CCDC91: variants seen among roughly 807,000 people sequenced by gnomAD.
CCDC91 encodes coiled-coil domain containing 91.
CCDC91 carries 48 observed loss-of-function variants against 63.2 expected under a neutral mutation model. The observed-to-expected ratio is 0.76, with a 90% CI of 0.60 to 0.97. The LOEUF is 0.97. CCDC91 is among the 50% of genes least tolerant of loss of function. The probability of loss-of-function intolerance (pLI) is 0.00; values close to 1 mark genes in which losing one functional copy is unlikely to be tolerated. For missense variants in CCDC91, 500 were observed against 494.6 expected, an observed-to-expected ratio of 1.01 and a Z score of -0.10; for synonymous variants, 167 against 165.8, an observed-to-expected ratio of 1.01 and a Z score of -0.06.
chr12:28,392,454 C>T (rs1344102735), intron 8 of CCDC91, among the ~76,000 whole-genome samples: 1 of 152,130 alleles, frequency 6.6e-6, no homozygotes, highest in Non-Finnish European at 1.5e-5. Context: ...GGAACATTAC[C>T]TGATACAATT....
intron 12 of CCDC91, among the ~76,000 whole-genome samples, chr12:28,540,881 C>G (rs1396178538): frequency 6.6e-6 from 1 of 152,062 alleles, no homozygotes; most frequent in African/African-American, 2.4e-5. Flanking sequence ...ATTAGGCAGC[C>G]TTATGGAGAG....
At chr12:28,397,267 C>T (rs1946349585) in intron 8 of CCDC91, among the ~76,000 whole-genome samples, 1 of 152,006 alleles carries the variant, frequency 6.6e-6, no homozygotes, top group East Asian at 1.9e-4. Context: ...GTAGTTTCAA[C>T]AGAGTGGTGG....
chr12:28,426,189 C>T (rs1179141760), intron 8 of CCDC91, among the ~76,000 whole-genome samples: 2 of 152,158 alleles, frequency 1.3e-5, no homozygotes, highest in South Asian at 2.1e-4. Context: ...TTCTGAACCT[C>T]TTCTATGAGT....
chr12:28,513,824 G>A (rs1939639888), intron 12 of CCDC91, among the ~76,000 whole-genome samples: 1 of 151,728 alleles, frequency 6.6e-6, no homozygotes, highest in East Asian at 1.9e-4. Flanking sequence ...AGTATTCCAG[G>A]GTGTATATGT....
rs1299998721 is a variant in CCDC91, at chr12:28,529,321, A to G, written c.1216-19742A>G. ...CACACAGGTTTGACTTGAGTATACC[A>G]GACAGATGTAGCCTAGAGTTTGAGC... On this transcript the variant is annotated intron_variant, in intron 12 of 12. Transcript: ENST00000536442. Among the ~76,000 whole-genome samples, 4 of 152,232 alleles carry G rather than the reference A, an allele frequency of 2.6e-5. No individual in the cohort carries two copies. In the East Asian group the frequency reaches 7.7e-4, roughly 29 times the overall value.
Position 28,497,284 on chromosome 12 carries a change from A to C in CCDC91, c.1215+13119A>C, listed in dbSNP as rs555920345. Among the ~76,000 whole-genome samples, 3 of 151,432 alleles carry C rather than the reference A, an allele frequency of 2.0e-5. No homozygotes were observed. The Admixed American group carries it at 2.0e-4, about 10-fold the overall frequency. ...TATCCATGGCCTCTGCTATTTTTCA[A>C]CTCTGATTGTAAGTATAAAACTGAA... On this transcript the variant is annotated intron_variant, in intron 12 of 12. Transcript: ENST00000536442.
intron 3 of CCDC91, among the ~76,000 whole-genome samples, chr12:28,284,272 G>A (rs1183534721): frequency 1.3e-5 from 2 of 152,082 alleles, no homozygotes; most frequent in Non-Finnish European, 2.9e-5. Flanking sequence ...GATGTCTAAT[G>A]CAAATTAGGC....
intron 1 of CCDC91, among the ~76,000 whole-genome samples, chr12:28,220,348 G>A (rs570771485): frequency 9.0e-4 from 136 of 151,716 alleles, no homozygotes; most frequent in South Asian, 6.5e-3. Context: ...ATATTTTTCC[G>A]TTTTATGTAC....
rs751756130 is a variant in CCDC91 at position 28,333,124 on chromosome 12, G to A, written c.576+25375G>A. On this transcript the variant is annotated intron_variant, in intron 6 of 12. Transcript: ENST00000536442. ...TTTTTCCCACTTTGGGGTCAGGCAT[G>A]GTGGCTCACACCTGTAATTGCAGCA... 3.9e-5 allele frequency among the ~76,000 whole-genome samples: 6 copies of A among 151,974 alleles called. No individual in the cohort carries two copies. In the South Asian group the frequency reaches 6.2e-4, roughly 16 times the overall value.
Position 28,220,547 on chromosome 12 carries a change from G to A in CCDC91, c.-15+29906G>A, listed in dbSNP as rs1447957413. On this transcript the variant is annotated intron_variant, in intron 1 of 12. Coordinates refer to ENST00000536442, the MANE Select transcript of CCDC91 (RefSeq NM_018318.5). ...ATTTCTGGGACTCCTAATTTCTTTT[G>A]TGTAGATTCAGATTTCAATCTGTTT... Among the ~76,000 whole-genome samples the A allele has an allele frequency of 6.6e-5, 10 of 151,474 alleles. No individual in the cohort carries two copies. The East Asian group carries it at 1.5e-3, about 23-fold the overall frequency.
intron 8 of CCDC91, among the ~76,000 whole-genome samples, chr12:28,422,141 C>T (rs527837935): frequency 6.6e-6 from 1 of 152,188 alleles, no homozygotes; most frequent in African/African-American, 2.4e-5. Context: ...TTTATTTATA[C>T]ATTTAGACGG....
At chr12:28,466,725 C>T (rs1950568101) in intron 11 of CCDC91, among the ~76,000 whole-genome samples, 1 of 152,084 alleles carries the variant, frequency 6.6e-6, no homozygotes, top group Non-Finnish European at 1.5e-5. Flanking sequence ...GGGAGTACTT[C>T]AGTCAGAAAG....
At chr12:28,299,919 C>T (rs2136972397) in intron 3 of CCDC91, among the ~76,000 whole-genome samples, 1 of 151,434 alleles carries the variant, frequency 6.6e-6, no homozygotes, top group Admixed American at 6.6e-5. Context: ...ACATGTTATA[C>T]ATATTATTGT....
At position 28,492,748 on chromosome 12, in the gene CCDC91, T is replaced by C. The variant is rs535589871; in HGVS notation, c.1215+8583T>C. Reference sequence around the variant, plus strand: ...GAGAACAGCCCACATGTCACCACTATATTTTATTATATACTTTAACTATAA... The same window carrying C: ...GAGAACAGCCCACATGTCACCACTACATTTTATTATATACTTTAACTATAA... On this transcript the variant is annotated intron_variant, in intron 12 of 12. Coordinates refer to ENST00000536442, the MANE Select transcript of CCDC91 (RefSeq NM_018318.5). 2.0e-5 allele frequency among the ~76,000 whole-genome samples: 3 copies of C among 151,822 alleles called. No individual in the cohort carries two copies. The East Asian group carries it at 5.8e-4, about 29-fold the overall frequency.
chr12:28,238,229 A>T (rs1017660706), intron 1 of CCDC91, among the ~76,000 whole-genome samples: 1 of 152,204 alleles, frequency 6.6e-6, no homozygotes, highest in Admixed American at 6.5e-5. Flanking sequence ...TAATGACAAA[A>T]AGGAAACAAA....
intron 3 of CCDC91, among the ~76,000 whole-genome samples, chr12:28,272,060 C>G (rs1947809346): frequency 6.6e-6 from 1 of 151,828 alleles, no homozygotes; most frequent in African/African-American, 2.4e-5. Context: ...TATTACTCCG[C>G]CATCTTCTGA....
intron 1 of CCDC91, among the ~76,000 whole-genome samples, chr12:28,215,459 A>G (rs1943502393): frequency 1.3e-5 from 2 of 152,194 alleles, no homozygotes; most frequent in Non-Finnish European, 2.9e-5. Flanking sequence ...CTCTTCCAGT[A>G]TAACCAACAG....
At chr12:28,443,577 G>A (rs1285374827) in intron 8 of CCDC91, among the ~76,000 whole-genome samples, 1 of 151,922 alleles carries the variant, frequency 6.6e-6, no homozygotes, top group Non-Finnish European at 1.5e-5. Context: ...ATGGATGGCA[G>A]GCAACAGAAT....
At chr12:28,385,643 C>A (rs1217407661) in intron 7 of CCDC91, among the ~76,000 whole-genome samples, 2 of 152,100 alleles carry the variant, frequency 1.3e-5, no homozygotes, top group East Asian at 3.8e-4. Context: ...ATGTAGGATT[C>A]TTTTATGGTC....
Sources: gnomAD v4.1 joint callset for allele counts (sites outside exome capture counted in the v4.1 genomes callset) on GRCh38, gnomAD v4.1.1 for gene constraint, MANE v1.5 for transcripts, NCBI Gene and HGNC (gene_info 2026-07-23, HGNC 2026-07-21) for gene names.